The following NUBPL variants were observed in gnomAD, a reference collection of about 807,000 sequenced individuals.
NUBPL encodes iron-sulfur cluster transfer protein NUBPL.
NUBPL carries 31 observed loss-of-function variants against 45.7 expected under a neutral mutation model. The ratio of observed to expected loss-of-function variants is 0.68; its 90% CI spans 0.51 to 0.92. NUBPL has a LOEUF of 0.92. Among genes scored for constraint, NUBPL ranks in the 40% least tolerant of loss-of-function variants. NUBPL has a pLI of 0.00. For synonymous variants in NUBPL, 144 were observed against 140.9 expected (o/e 1.02, Z -0.15); for missense variants, 401 against 398.7 (o/e 1.01, Z -0.05).
At chr14:31,805,648 C>G (rs965738075) in intron 7 of NUBPL, among the ~76,000 whole-genome samples, 3 of 151,996 alleles carry the variant, frequency 2.0e-5, no homozygotes, top group African/African-American at 7.3e-5. Context: ...CCTTAACTAC[C>G]TAATGCAGGA....
At chr14:31,725,437 T>A (rs1292035121) in intron 6 of NUBPL, among the ~76,000 whole-genome samples, 2 of 152,192 alleles carry the variant, frequency 1.3e-5, no homozygotes, top group African/African-American at 4.8e-5. Context: ...GATATCAGAT[T>A]TTTTTTGGAT....
chr14:31,752,628 A>G (rs897631755), intron 6 of NUBPL, among the ~76,000 whole-genome samples: 1 of 152,172 alleles, frequency 6.6e-6, no homozygotes, highest in African/African-American at 2.4e-5. Context: ...AAAGTTTTCC[A>G]CATCTTCCTG....
chr14:31,751,849 C>T (rs1258927876), intron 6 of NUBPL, among the ~76,000 whole-genome samples: 1 of 142,190 alleles, frequency 7.0e-6, no homozygotes, highest in African/African-American at 2.4e-5. Context: ...TTCCATACAT[C>T]CTCTGAAACT....
At chr14:31,735,764 A>G (rs1360056764) in intron 6 of NUBPL, among the ~76,000 whole-genome samples, 1 of 152,184 alleles carries the variant, frequency 6.6e-6, no homozygotes, top group African/African-American at 2.4e-5. Context: ...AGGCAGGAAA[A>G]TTGCTTGAAC....
At chr14:31,566,540 T>G (rs1200747892) in intron 3 of NUBPL, among the ~76,000 whole-genome samples, 4 of 152,082 alleles carry the variant, frequency 2.6e-5, no homozygotes, top group African/African-American at 7.2e-5. Context: ...ATTCTTTTTT[T>G]TGTTTTTCTG....
intron 7 of NUBPL, among the ~76,000 whole-genome samples, chr14:31,805,274 G>C (rs141390754): frequency 1.6e-3 from 251 of 152,344 alleles, no homozygotes; most frequent in Non-Finnish European, 2.9e-3. Flanking sequence ...AACAGATGCT[G>C]ATGAGATTGC....
In NUBPL at chr14:31,694,905, A is replaced by C. The variant is rs79016926; in HGVS notation, c.513+21331A>C. On this transcript the variant is annotated intron_variant, in intron 6 of 10. Transcript: ENST00000281081. ...TGTATAAGACATAGATCCAGAGTTCAAAATGTTAAATAAAGCCTTTAGTTA... is the reference window on the plus strand; with the variant it reads ...TGTATAAGACATAGATCCAGAGTTCCAAATGTTAAATAAAGCCTTTAGTTA... Among the ~76,000 whole-genome samples the C allele has an allele frequency of 1.1e-3, 168 of 152,378 alleles. No homozygotes were observed. In the Middle Eastern group the frequency reaches 0.014, roughly 12 times the overall value.
intron 3 of NUBPL, among the ~76,000 whole-genome samples, chr14:31,567,297 C>T (rs1472774594): frequency 2.0e-5 from 3 of 152,126 alleles, no homozygotes; most frequent in Admixed American, 1.3e-4. Context: ...CACAAACATG[C>T]GTCTAGTTAT....
chr14:31,742,537 TACTAAGA>T (rs944051068), intron 6 of NUBPL, among the ~76,000 whole-genome samples: 1 of 152,160 alleles, frequency 6.6e-6, no homozygotes, highest in Admixed American at 6.5e-5. Context: ...CACCAATATT[TACTAAGA>T]ACTTTACCAG....
At chr14:31,841,953 C>T (rs1284448578) in intron 8 of NUBPL, among the ~76,000 whole-genome samples, 2 of 23,600 alleles carry the variant, frequency 8.5e-5, no homozygotes, top group African/African-American at 2.1e-4. Context: ...TTTTTTGAGA[C>T]GGGGTCTTCC....
In NUBPL at chr14:31,787,762, T is replaced by C. The variant is rs751303154; in HGVS notation, c.514-18T>C. ...ATTGAATTTTTATACAATGATATAA[T>C]CTATGTCATCTTTTTAGGTAGATTG... On this transcript the variant is annotated intron_variant, in intron 6 of 10. Coordinates refer to ENST00000281081, the MANE Select transcript of NUBPL (RefSeq NM_025152.3). The C allele has an allele frequency of 6.7e-7, 1 of 1,501,414 alleles. No individual in the cohort carries two copies. The highest frequency in any genetic ancestry group is 9.3e-7 in the Non-Finnish European group (1 of 1,077,118). 93.0% of individuals were successfully genotyped at this position (1,501,414 alleles called of 1,614,324 possible).
At chr14:31,567,321 G>T (rs865797705) in intron 3 of NUBPL, among the ~76,000 whole-genome samples, 2 of 152,124 alleles carry the variant, frequency 1.3e-5, no homozygotes, top group Non-Finnish European at 2.9e-5. Context: ...CTTAACCTGC[G>T]TGGGATTTGG....
chr14:31,566,435 T>A (rs1250084873), intron 3 of NUBPL, among the ~76,000 whole-genome samples: 1 of 152,148 alleles, frequency 6.6e-6, no homozygotes, highest in Non-Finnish European at 1.5e-5. Flanking sequence ...GATTCAAATA[T>A]CAAGACAAAA....
intron 6 of NUBPL, among the ~76,000 whole-genome samples, chr14:31,781,155 A>G (rs946405660): frequency 1.5e-4 from 23 of 152,226 alleles, no homozygotes; most frequent in African/African-American, 1.4e-4. Context: ...CAACAGAATC[A>G]TAGGTCACTG....
At chr14:31,580,412 C>T (rs540581421) in intron 3 of NUBPL, among the ~76,000 whole-genome samples, 4 of 152,158 alleles carry the variant, frequency 2.6e-5, no homozygotes, top group Admixed American at 6.6e-5. Flanking sequence ...TACTTCAGGC[C>T]TGGACTTTGA....
intron 6 of NUBPL, among the ~76,000 whole-genome samples, chr14:31,702,512 G>A (rs985302824): frequency 7.9e-5 from 12 of 152,162 alleles, no homozygotes; most frequent in African/African-American, 2.9e-4. Context: ...GGCCTTTTGG[G>A]GCAAGGTTAA....
At chr14:31,635,680 C>T (rs1181973682) in intron 4 of NUBPL, among the ~76,000 whole-genome samples, 4 of 151,634 alleles carry the variant, frequency 2.6e-5, no homozygotes, top group Non-Finnish European at 4.4e-5. Flanking sequence ...TTCCCTTGGG[C>T]AGTATGGCGA....
chr14:31,837,394 C>A (rs2040299014), intron 8 of NUBPL, among the ~76,000 whole-genome samples: 1 of 152,090 alleles, frequency 6.6e-6, no homozygotes, highest in Non-Finnish European at 1.5e-5. Flanking sequence ...CATCTTTAGA[C>A]CCTTAAAAGA....
intron 6 of NUBPL, among the ~76,000 whole-genome samples, chr14:31,726,010 C>T (rs1012090298): frequency 8.6e-5 from 13 of 151,928 alleles, no homozygotes; most frequent in East Asian, 1.9e-4. Context: ...GTGCCTGGTC[C>T]GATTTCAGAT....
Sources: allele counts gnomAD v4.1 joint callset (sites outside exome capture counted in the v4.1 genomes callset), GRCh38; gene constraint gnomAD v4.1.1; transcripts MANE v1.5; gene names NCBI Gene and HGNC (gene_info 2026-07-23, HGNC 2026-07-21).